MAML3: variants seen among roughly 807,000 people sequenced by gnomAD.
The protein encoded by MAML3 is mastermind like transcriptional coactivator 3, also known as mastermind-like protein 3.
A neutral mutation model predicts 101.9 loss-of-function variants in MAML3; 27 were observed. The observed-to-expected ratio is 0.27, with a 90% confidence interval of 0.20 to 0.37. The LOEUF is 0.37. MAML3 is among the 10% of genes least tolerant of loss of function. The pLI, the probability that MAML3 is intolerant of heterozygous loss-of-function variation, is 1.00. For synonymous variants in MAML3, 501 were observed against 555.9 expected (o/e 0.90, Z 1.39); for missense variants, 1,316 against 1,444.9 (o/e 0.91, Z 1.45).
At position 139,727,267 on chromosome 4, in the gene MAML3, A is replaced by C. The variant is rs72946550; in HGVS notation, c.2332-1432T>G. On this transcript the variant is annotated intron_variant, in intron 3 of 4. Transcript: ENST00000509479. ...ATAATGTTCTACAGAAAACTGTTGA[A>C]ATTAATTGATTGTGTAGACCATTAA... 3.1e-3 allele frequency among the ~76,000 whole-genome samples: 473 copies of C among 152,360 alleles called. 3 individuals carry two copies. The highest frequency in any genetic ancestry group is 0.011 in the African/African-American group (453 of 41,584).
intron 1 of MAML3, among the ~76,000 whole-genome samples, chr4:140,126,954 C>A (rs951589286): frequency 6.6e-5 from 10 of 152,210 alleles, no homozygotes; most frequent in African/African-American, 2.2e-4. Flanking sequence ...ACTTGAAGCC[C>A]TTCAACATCT....
chr4:140,067,654 T>A (rs1727563383), intron 1 of MAML3, among the ~76,000 whole-genome samples: 1 of 152,162 alleles, frequency 6.6e-6, no homozygotes, highest in South Asian at 2.1e-4. Flanking sequence ...AAGTCTGAAT[T>A]TCTTCCCACA....
chr4:140,106,523 T>C (rs561944928), intron 1 of MAML3, among the ~76,000 whole-genome samples: 5 of 152,366 alleles, frequency 3.3e-5, no homozygotes, highest in Admixed American at 6.5e-5. Context: ...ATCTTCCTTA[T>C]GCAACTGTGA....
intron 2 of MAML3, among the ~76,000 whole-genome samples, chr4:139,853,197 G>A (rs576488349): frequency 7.9e-5 from 12 of 152,278 alleles, no homozygotes; most frequent in Non-Finnish European, 4.4e-5. Flanking sequence ...ACTAAGGACA[G>A]GCTTCTAATC....
chr4:140,068,353 A>G (rs1323358998), intron 1 of MAML3, among the ~76,000 whole-genome samples: 1 of 152,202 alleles, frequency 6.6e-6, no homozygotes, highest in African/African-American at 2.4e-5. Flanking sequence ...CATATCATGA[A>G]TTATTTTCTC....
intron 1 of MAML3, among the ~76,000 whole-genome samples, chr4:140,107,610 T>C (rs924826691): frequency 3.3e-5 from 5 of 151,392 alleles, no homozygotes; most frequent in Non-Finnish European, 7.4e-5. Context: ...GTTCAAGCGA[T>C]TCTCCTGCCT....
At chr4:139,960,603 G>A (rs1483079895) in intron 1 of MAML3, among the ~76,000 whole-genome samples, 1 of 152,190 alleles carries the variant, frequency 6.6e-6, no homozygotes, top group South Asian at 2.1e-4. Flanking sequence ...GGTCTCTTAA[G>A]CCTCAAAGAG....
intron 1 of MAML3, among the ~76,000 whole-genome samples, chr4:139,988,887 C>A (rs150474077): frequency 5.1e-4 from 78 of 152,294 alleles, no homozygotes; most frequent in Non-Finnish European, 7.5e-4. Context: ...TTACTTACCC[C>A]TGTTAAACAG....
chr4:139,733,229 A>G (rs1195705459), intron 2 of MAML3, among the ~76,000 whole-genome samples: 1 of 152,256 alleles, frequency 6.6e-6, no homozygotes, highest in East Asian at 1.9e-4. Flanking sequence ...CTGTCTCAGT[A>G]TATTTGATAC....
chr4:139,802,532 T>C (rs1270375619), intron 2 of MAML3, among the ~76,000 whole-genome samples: 1 of 152,176 alleles, frequency 6.6e-6, no homozygotes, highest in Non-Finnish European at 1.5e-5. Flanking sequence ...CTATCCTAAA[T>C]ATTGGAATAA....
At chr4:139,766,744 A>G (rs1729868913) in intron 2 of MAML3, among the ~76,000 whole-genome samples, 1 of 152,220 alleles carries the variant, frequency 6.6e-6, no homozygotes, top group Non-Finnish European at 1.5e-5. Flanking sequence ...AAAGAGGTAA[A>G]TTAAGTCAAG....
chr4:140,006,605 T>TAAAAA (rs1726452083), intron 1 of MAML3, among the ~76,000 whole-genome samples: 1 of 89,822 alleles, frequency 1.1e-5, no homozygotes, highest in Admixed American at 1.2e-4. Context: ...AAAAAAAAAG[T>TAAAAA]GAAAAAGTGA....
Position 139,889,387 on chromosome 4 carries a change from C to T in MAML3, c.2049G>A (p.Met683Ile). Residue 683 changes from methionine (M) to isoleucine (I), a missense_variant, in exon 2 of 5, where the codon ATG (methionine) becomes ATA (isoleucine). Met to Ile is a conservative substitution (Grantham distance 10, BLOSUM62 1). Transcript: ENST00000509479. ...CGTGGGATGGAAGTGCAGCGTAAGC[C>T]ATGGGCTGATTCATCACTCCTTTCT... The part of the protein sequence containing the change: ...MKQKGVMNQP[M>I]AYAALPSHGQ... 6.2e-7 allele frequency: 1 copy of T among 1,614,060 alleles called. No homozygotes were observed. The highest frequency in any genetic ancestry group is 8.5e-7 in the Non-Finnish European group (1 of 1,179,900).
intron 1 of MAML3, among the ~76,000 whole-genome samples, chr4:139,927,522 A>G (rs921706527): frequency 1.3e-5 from 2 of 152,214 alleles, no homozygotes; most frequent in African/African-American, 4.8e-5. Flanking sequence ...AATCTTGTCT[A>G]TAACAGTTAT....
intron 1 of MAML3, among the ~76,000 whole-genome samples, chr4:139,997,775 G>A (rs993029323): frequency 4.6e-5 from 7 of 151,642 alleles, no homozygotes; most frequent in African/African-American, 1.7e-4. Context: ...AATTCGGGAT[G>A]TCTTAATTTT....
chr4:140,119,812 T>C (rs1728576436), intron 1 of MAML3, among the ~76,000 whole-genome samples: 1 of 152,156 alleles, frequency 6.6e-6, no homozygotes, highest in Non-Finnish European at 1.5e-5. Context: ...CAGGATCTCT[T>C]ATGTGGTCAA....
chr4:139,784,322 A>G (rs1475206483), intron 2 of MAML3, among the ~76,000 whole-genome samples: 1 of 152,130 alleles, frequency 6.6e-6, no homozygotes, highest in Admixed American at 6.5e-5. Flanking sequence ...GAACACTTCC[A>G]ATTTCCTGTT....
intron 1 of MAML3, among the ~76,000 whole-genome samples, chr4:140,023,919 T>C (rs938692056): frequency 2.6e-5 from 4 of 152,246 alleles, no homozygotes; most frequent in African/African-American, 4.8e-5. Context: ...CATATTACTC[T>C]CCTTTAAAAC....
chr4:139,928,295 G>A (rs1046774840), intron 1 of MAML3, among the ~76,000 whole-genome samples: 7 of 152,190 alleles, frequency 4.6e-5, no homozygotes, highest in Non-Finnish European at 1.0e-4. Flanking sequence ...TATTCATTTA[G>A]AAAATATTAA....
Sources: allele counts gnomAD v4.1 joint callset (sites outside exome capture counted in the v4.1 genomes callset), GRCh38; gene constraint gnomAD v4.1.1; transcripts MANE v1.5; gene names NCBI Gene and HGNC (gene_info 2026-07-23, HGNC 2026-07-21).